The following CLCN6 variants were observed in gnomAD, a reference collection of about 807,000 sequenced individuals.
CLCN6 encodes H(+)/Cl(-) exchange transporter 6.
In CLCN6, 70 loss-of-function variants were observed where a neutral mutation model predicts 109.8. That is an observed-to-expected ratio of 0.64 (90% CI 0.53 to 0.78). The LOEUF (loss-of-function observed/expected upper bound fraction) is 0.78. Ranked by LOEUF, CLCN6 falls within the 30% of genes least tolerant of loss-of-function variation. The pLI, the probability that CLCN6 is intolerant of heterozygous loss-of-function variation, is 0.00. For synonymous variants in CLCN6, 444 were observed against 447.8 expected, an observed-to-expected ratio of 0.99 and a Z score of 0.11; for missense variants, 984 against 1,142.3, an observed-to-expected ratio of 0.86 and a Z score of 2.00.
intron 1 of CLCN6, 163 bp downstream of exon 1, chr1:11,806,512 C>A: frequency 1.9e-6 from 1 of 538,856 alleles, no homozygotes; most frequent in Non-Finnish European, 3.1e-6. Context: ...GCTTCACGTG[C>A]CTAAGTCTGG....
Position 11,828,555 on chromosome 1 carries a change from T to G in CLCN6, c.1052T>G (p.Phe351Cys), listed in dbSNP as rs1160275379. ...GVIGGLLGAT[F>C]NCLNKRLAKY... ...ATTGGGGGCCTCCTGGGAGCCACAT[T>G]CAACTGTCTGAACAAGAGGCTTGCA... is the stretch of plus-strand genomic sequence containing the variant. Residue 351 changes from phenylalanine (F) to cysteine (C), a missense_variant, in exon 12 of 23, where the codon TTC (phenylalanine) becomes TGC (cysteine). By Grantham distance (205) the Phe-to-Cys change is radical. Transcript: ENST00000346436. 9 of 1,614,122 alleles carry G rather than the reference T, an allele frequency of 5.6e-6. No homozygotes were observed. The highest frequency in any genetic ancestry group is 7.6e-6 in the Non-Finnish European group (9 of 1,180,012).
In CLCN6 at chr1:11,836,966, A is replaced by G. The variant is rs199830541; in HGVS notation, c.1981-33A>G. Reference sequence around the variant, plus strand: ...TCAGTACTGCTGTGTTCGTTTGCCCATGCGCAGTAGCCTGTGGCCTCCCCA... The same window carrying G: ...TCAGTACTGCTGTGTTCGTTTGCCCGTGCGCAGTAGCCTGTGGCCTCCCCA... On this transcript the variant is annotated intron_variant, in intron 18 of 22. Transcript: ENST00000346436. The G allele has an allele frequency of 1.1e-5, 18 of 1,602,400 alleles. No individual in the cohort carries two copies. The East Asian group carries it at 3.8e-4, about 34-fold the overall frequency.
chr1:11,837,525 G>A, intron 20 of CLCN6, 26 bp downstream of exon 20: 8 of 1,607,422 alleles, frequency 5.0e-6, no homozygotes, highest in Non-Finnish European at 6.0e-6. Context: ...GCAGAAATCA[G>A]CCAGGCCAGA....
intron 8 of CLCN6, among the ~76,000 whole-genome samples, chr1:11,824,758 C>G (rs1644790891): frequency 6.6e-6 from 1 of 152,122 alleles, no homozygotes; most frequent in South Asian, 2.1e-4. Flanking sequence ...GCCCTAGGAG[C>G]AAAAATGAGA....
chr1:11,838,246 CAT>C (rs1313568417), intron 20 of CLCN6, 87 bp from the exon 21 acceptor site: 13 of 1,146,084 alleles, frequency 1.1e-5, no homozygotes, highest in Middle Eastern at 5.2e-4. Context: ...TGGAGCTGGG[CAT>C]ATTCAGGCAT....
chr1:11,838,903 G>A (rs998526044), intron 22 of CLCN6: 6 of 720,966 alleles, frequency 8.3e-6, no homozygotes, highest in Non-Finnish European at 1.5e-5. Flanking sequence ...CCTCTACCAG[G>A]CTGTGTCTTC....
Position 11,836,970 on chromosome 1 carries a change from G to A in CLCN6, c.1981-29G>A, listed in dbSNP as rs552300439. 3.9e-5 allele frequency: 62 copies of A among 1,602,990 alleles called. No individual in the cohort carries two copies. The East Asian group carries it at 1.2e-3, about 32-fold the overall frequency. On this transcript the variant is annotated intron_variant, in intron 18 of 22. Coordinates refer to ENST00000346436, the MANE Select transcript of CLCN6 (RefSeq NM_001286.5). ...TACTGCTGTGTTCGTTTGCCCATGC[G>A]CAGTAGCCTGTGGCCTCCCCACCCA...
chr1:11,822,711 C>A lies in CLCN6; in HGVS notation c.363C>A (p.Ser121Arg), dbSNP rs1232606823. The change falls in exon 6 of 23, where the codon AGC (serine) becomes AGA (arginine). Residue 121 changes from serine (S) to arginine (R), a missense_variant. Ser to Arg is a moderately radical substitution (Grantham distance 110). Coordinates refer to ENST00000346436, the MANE Select transcript of CLCN6 (RefSeq NM_001286.5). Reference sequence around the variant, plus strand: ...TTTCCGCAGCGGTGGAGGAGTGCAGCCAGAAAGGCTGCCTCGCTCTGTCTC... The same window carrying A: ...TTTCCGCAGCGGTGGAGGAGTGCAGACAGAAAGGCTGCCTCGCTCTGTCTC... ...GVVQTSVEECSQKGCLALSLL... is the reference protein window; with the variant it reads ...GVVQTSVEECRQKGCLALSLL... 1 of 1,613,248 alleles carries A rather than the reference C, an allele frequency of 6.2e-7. No individual in the cohort carries two copies. The highest frequency in any genetic ancestry group is 8.5e-7 in the Non-Finnish European group (1 of 1,179,258).
intron 17 of CLCN6, among the ~76,000 whole-genome samples, chr1:11,835,506 C>A (rs1314310643): frequency 6.6e-6 from 1 of 152,136 alleles, no homozygotes; most frequent in Non-Finnish European, 1.5e-5. Context: ...AACTCCTGGG[C>A]TCAAGCAATC....
At chr1:11,818,358 G>T (rs113935884) in intron 4 of CLCN6, among the ~76,000 whole-genome samples, 3 of 152,078 alleles carry the variant, frequency 2.0e-5, no homozygotes, top group Non-Finnish European at 4.4e-5. Context: ...ACTCATTGGC[G>T]CATTCAGATT....
rs771781698 is a variant in CLCN6, at chr1:11,827,093, A to G, written c.712A>G (p.Lys238Glu). 9.9e-6 allele frequency: 16 copies of G among 1,613,794 alleles called. No individual in the cohort carries two copies. The highest frequency in any genetic ancestry group is 1.4e-5 in the Non-Finnish European group (16 of 1,179,852). ...CCGTCTCTCTCCTCTCCTCAGAGAC[A>G]AGAGAGACTTTGTATCAGCAGGAGC... ...NFPYFRSDRDKRDFVSAGAAA... is the reference protein window; with the variant it reads ...NFPYFRSDRDERDFVSAGAAA... Residue 238 changes from lysine (K) to glutamate (E), a missense_variant, in exon 10 of 23, where the codon AAG (lysine) becomes GAG (glutamate). Physicochemically the swap from Lys to Glu is moderately conservative, Grantham distance 56. Transcript: ENST00000346436.
intron 20 of CLCN6, 40 bp downstream of exon 20, chr1:11,837,539 G>A (rs1644966216): frequency 1.3e-6 from 2 of 1,593,348 alleles, no homozygotes; most frequent in Middle Eastern, 1.7e-4. Flanking sequence ...GGCCAGACCT[G>A]ACGAAGCTCG....
intron 17 of CLCN6, among the ~76,000 whole-genome samples, chr1:11,835,193 C>T (rs1014458188): frequency 6.6e-6 from 1 of 152,196 alleles, no homozygotes; most frequent in Non-Finnish European, 1.5e-5. Context: ...AAGCAGTAAG[C>T]GTGACGGACT....
At chr1:11,827,736 A>G (rs1385272173) in intron 10 of CLCN6, among the ~76,000 whole-genome samples, 2 of 152,186 alleles carry the variant, frequency 1.3e-5, no homozygotes, top group Non-Finnish European at 2.9e-5. Context: ...ACCACCTGAC[A>G]TGAAAATGTG....
In CLCN6 at chr1:11,840,202, G is replaced by T. The variant is rs371104195; in HGVS notation, c.2589G>T (p.Arg863Ser). Residue 863 changes from arginine (R) to serine (S), a missense_variant, in exon 23 of 23, where the codon AGG (arginine) becomes AGT (serine). Transcript: ENST00000346436. ...ATGAATTTCTGCAGGCCCGGCTGAG[G>T]CAGCACTACCAGACCATCTGACAGC... ...LTYEFLQARL[R>S]QHYQTI The T allele has an allele frequency of 7.4e-6, 12 of 1,613,316 alleles. No homozygotes were observed. Among genetic ancestry groups the T allele is most frequent in the Non-Finnish European group, 8.5e-6 (10 of 1,180,020 alleles).
intron 22 of CLCN6, 36 bp downstream of exon 22, chr1:11,838,696 A>C: frequency 1.2e-6 from 2 of 1,614,170 alleles, no homozygotes; most frequent in Non-Finnish European, 1.7e-6. Flanking sequence ...CACCTTTGAG[A>C]GAGGATCCCC....
chr1:11,829,109 G>C, intron 12 of CLCN6, 87 bp from the exon 13 acceptor site: 1 of 1,511,248 alleles, frequency 6.6e-7, no homozygotes, highest in East Asian at 2.3e-5. Flanking sequence ...GAGAAATCGG[G>C]GCTGGGGGTA....
At chr1:11,812,664 T>TTGTGTGTGTGTGTGTGTGTGTG (rs61487985) in intron 2 of CLCN6, among the ~76,000 whole-genome samples, 1 of 127,020 alleles carries the variant, frequency 7.9e-6, no homozygotes, top group South Asian at 2.7e-4. Context: ...CAAAGTATGT[T>TTGTGTGTGTGTGTGTGTGTGTG]TGTGTGTGTG....
chr1:11,809,770 A>G (rs1463789939), intron 2 of CLCN6, among the ~76,000 whole-genome samples: 1 of 152,182 alleles, frequency 6.6e-6, no homozygotes, highest in Non-Finnish European at 1.5e-5. Context: ...ATTCATGTAC[A>G]TTTCATGGGT....
Sources: gnomAD v4.1 joint callset for allele counts (sites outside exome capture counted in the v4.1 genomes callset) on GRCh38, gnomAD v4.1.1 for gene constraint, MANE v1.5 for transcripts, NCBI Gene and HGNC (gene_info 2026-07-23, HGNC 2026-07-21) for gene names.